The following DACH1 variants were observed in gnomAD, a reference collection of about 807,000 sequenced individuals.
DACH1 encodes the protein dachshund family transcription factor 1.
Under a neutral mutation model 54.2 loss-of-function variants are expected in DACH1, and 12 were observed. The ratio of observed to expected loss-of-function variants is 0.22; its 90% CI spans 0.14 to 0.36. The LOEUF (loss-of-function observed/expected upper bound fraction) is 0.36. Ranked by LOEUF, DACH1 falls within the 10% of genes least tolerant of loss-of-function variation. DACH1 has a pLI of 1.00. For missense variants in DACH1, 805 were observed against 929.8 expected (o/e 0.87, Z 1.75); for synonymous variants, 386 against 366.2 (o/e 1.05, Z -0.62).
At position 71,805,053 on chromosome 13, in the gene DACH1, A is replaced by G. The variant is rs1887439877; in HGVS notation, c.848+60869T>C. The stretch of plus-strand genomic sequence containing the variant: ...GTAAATTTTAAAATTTAGCTCTTCA[A>G]TTATACTTGCCACATTTCAAGTGCT... On this transcript the variant is annotated intron_variant, in intron 1 of 10. Transcript: ENST00000613252. 3.3e-5 allele frequency among the ~76,000 whole-genome samples: 5 copies of G among 152,292 alleles called. No homozygotes were observed. The South Asian group carries it at 1.0e-3, about 32-fold the overall frequency.
chr13:71,837,748 G>GCAAAGACTTGGAAC (rs368052367), intron 1 of DACH1, among the ~76,000 whole-genome samples: 1,669 of 133,434 alleles, frequency 0.013, 32 homozygotes, highest in East Asian at 0.093. Flanking sequence ...ATTCACAATA[G>GCAAAGACTTGGAAC]CAACCCAAAT....
intron 2 of DACH1, among the ~76,000 whole-genome samples, chr13:71,675,700 G>T (rs1880523664): frequency 1.3e-5 from 2 of 152,076 alleles, no homozygotes; most frequent in South Asian, 2.1e-4. Context: ...GAGACGTAAA[G>T]CATTAATGCA....
At chr13:71,550,237 T>C (rs948273107) in intron 6 of DACH1, among the ~76,000 whole-genome samples, 5 of 152,156 alleles carry the variant, frequency 3.3e-5, no homozygotes, top group Non-Finnish European at 7.4e-5. Context: ...TGGTTTCCAT[T>C]GGATATTTAT....
chr13:71,681,983 G>A (rs1880933364), intron 1 of DACH1, 73 bp from the exon 2 acceptor site: 1 of 865,074 alleles, frequency 1.2e-6, no homozygotes, highest in Non-Finnish European at 1.8e-6. Context: ...TGTTTCAAGT[G>A]GTAACATGGA....
At chr13:71,511,894 C>T (rs1157178038) in intron 6 of DACH1, among the ~76,000 whole-genome samples, 1 of 151,894 alleles carries the variant, frequency 6.6e-6, no homozygotes, top group African/African-American at 2.4e-5. Flanking sequence ...AGAAACTCAG[C>T]ATCAATTTGT....
intron 3 of DACH1, among the ~76,000 whole-genome samples, chr13:71,577,731 A>C (rs1481678484): frequency 6.6e-6 from 1 of 152,220 alleles, no homozygotes; most frequent in Non-Finnish European, 1.5e-5. Context: ...CTTGTAAATA[A>C]ACTGAAATAA....
chr13:71,816,682 A>ATG (rs1887968657), intron 1 of DACH1, among the ~76,000 whole-genome samples: 1 of 143,644 alleles, frequency 7.0e-6, no homozygotes, highest in Non-Finnish European at 1.5e-5. Context: ...ACACACATAT[A>ATG]TATATACACA....
intron 1 of DACH1, among the ~76,000 whole-genome samples, chr13:71,812,070 A>G (rs1887734388): frequency 6.6e-6 from 1 of 152,212 alleles, no homozygotes; most frequent in Non-Finnish European, 1.5e-5. Context: ...AATTTTAAGG[A>G]TCACAGTTTA....
At chr13:71,708,719 GCAA>G (rs1487561500) in intron 1 of DACH1, among the ~76,000 whole-genome samples, 3 of 151,950 alleles carry the variant, frequency 2.0e-5, no homozygotes, top group South Asian at 2.1e-4. Flanking sequence ...ATTCAGATAA[GCAA>G]GCTAATATCT....
chr13:71,727,179 T>G (rs1404018392), intron 1 of DACH1, among the ~76,000 whole-genome samples: 1 of 152,122 alleles, frequency 6.6e-6, no homozygotes, highest in East Asian at 1.9e-4. Context: ...AAGGCTCACA[T>G]AAATTAAGCT....
chr13:71,654,625 A>G (rs988859331), intron 2 of DACH1, among the ~76,000 whole-genome samples: 3 of 152,002 alleles, frequency 2.0e-5, no homozygotes, highest in Non-Finnish European at 2.9e-5. Context: ...TGAAAAACTG[A>G]CCCACATGTC....
chr13:71,691,517 T>C (rs1881475215), intron 1 of DACH1, among the ~76,000 whole-genome samples: 1 of 151,426 alleles, frequency 6.6e-6, no homozygotes, highest in Non-Finnish European at 1.5e-5. Flanking sequence ...TAGAGTCAGG[T>C]TGTGAACCAT....
At position 71,438,030 on chromosome 13, in the gene DACH1, T is replaced by G. The variant is rs940207349; in HGVS notation, c.*2625A>C. The G allele has an allele frequency of 3.3e-5, 5 of 152,406 alleles. No individual in the cohort carries two copies. Among genetic ancestry groups the G allele is most frequent in the African/African-American group, 1.2e-4 (5 of 41,422 alleles). The allele number at this position is 152,406 out of a possible 1,614,324, so 9.4% of individuals were successfully genotyped here. A position where few individuals can be genotyped will look rare whatever the true frequency, so the allele number is the denominator to read the frequency against. On this transcript the variant is annotated 3_prime_UTR_variant, in exon 11 of 11. Transcript: ENST00000613252. Reference sequence around the variant, plus strand: ...AAAAGAAAATTAAATACAATAACAGTAAACGTGGTTCTCACATTGAAACCA... The same window carrying G: ...AAAAGAAAATTAAATACAATAACAGGAAACGTGGTTCTCACATTGAAACCA...
chr13:71,577,603 T>G (rs1885612574), intron 3 of DACH1, among the ~76,000 whole-genome samples: 1 of 152,188 alleles, frequency 6.6e-6, no homozygotes, highest in South Asian at 2.1e-4. Context: ...ACCTGACACC[T>G]TTTGTTCTTG....
intron 3 of DACH1, among the ~76,000 whole-genome samples, chr13:71,591,388 T>C (rs2138461981): frequency 6.6e-6 from 1 of 152,262 alleles, no homozygotes; most frequent in South Asian, 2.1e-4. Flanking sequence ...CAGGACTTCT[T>C]TATACACATG....
chr13:71,674,861 T>C (rs1040105396), intron 2 of DACH1, among the ~76,000 whole-genome samples: 26 of 147,530 alleles, frequency 1.8e-4, no homozygotes, highest in Non-Finnish European at 3.5e-4. Context: ...ACTAAGTAGT[T>C]ATAGGTTAAA....
At chr13:71,749,103 G>A (rs1336236887) in intron 1 of DACH1, among the ~76,000 whole-genome samples, 2 of 151,688 alleles carry the variant, frequency 1.3e-5, no homozygotes, top group Admixed American at 1.3e-4. Flanking sequence ...TTGGGCCTTA[G>A]CCTCCTGAGT....
intron 1 of DACH1, among the ~76,000 whole-genome samples, chr13:71,754,328 T>C (rs1885051899): frequency 6.6e-6 from 1 of 152,220 alleles, no homozygotes; most frequent in South Asian, 2.1e-4. Context: ...TCCTGGCTCC[T>C]GTCCAACTAC....
intron 2 of DACH1, among the ~76,000 whole-genome samples, chr13:71,654,064 G>C (rs1878873414): frequency 1.3e-5 from 2 of 152,084 alleles, no homozygotes; most frequent in African/African-American, 2.4e-5. Flanking sequence ...TGAGGAGAAT[G>C]ATGTGCAAAG....
Sources: gnomAD v4.1 joint callset for allele counts (sites outside exome capture counted in the v4.1 genomes callset) on GRCh38, gnomAD v4.1.1 for gene constraint, MANE v1.5 for transcripts, NCBI Gene and HGNC (gene_info 2026-07-23, HGNC 2026-07-21) for gene names.